Variants in LOC128125817 observed in about 807,000 individuals in gnomAD.
At chr1:41,611,956 A>G in the LOC128125817 span, among the ~76,000 whole-genome samples, 260 of 152,188 alleles carry the variant, frequency 1.7e-3, 5 homozygotes, top group South Asian at 0.017. Context: ...GTGAAGATAT[A>G]AACTCGCCCT....
chr1:41,618,930 C>T, the LOC128125817 span, among the ~76,000 whole-genome samples: 1 of 152,236 alleles, frequency 6.6e-6, no homozygotes, highest in African/African-American at 2.4e-5. Context: ...CCATGGCCCC[C>T]GCAGTTGCCA....
the LOC128125817 span, among the ~76,000 whole-genome samples, chr1:41,599,648 A>G: frequency 6.6e-6 from 1 of 152,352 alleles, no homozygotes; most frequent in African/African-American, 2.4e-5. Context: ...CATAAGGAAG[A>G]AGCTTCATCA....
At chr1:41,586,765 T>C in the LOC128125817 span, among the ~76,000 whole-genome samples, 1,831 of 152,300 alleles carry the variant, frequency 0.012, 34 homozygotes, top group African/African-American at 0.04. Context: ...TTTGATCTTT[T>C]AGCTAAAAAG....
chr1:41,605,435 A>C, the LOC128125817 span, among the ~76,000 whole-genome samples: 3 of 152,026 alleles, frequency 2.0e-5, no homozygotes, highest in Non-Finnish European at 4.4e-5. Context: ...AAACTATTCC[A>C]GTACAGCGGT....
chr1:41,610,924 C>G, the LOC128125817 span, among the ~76,000 whole-genome samples: 4 of 152,130 alleles, frequency 2.6e-5, no homozygotes, highest in Admixed American at 2.6e-4. Flanking sequence ...ACTCTGTGCT[C>G]CCTGAACAAG....
chr1:41,585,310 G>A, the LOC128125817 span: 3 of 398,880 alleles, frequency 7.5e-6, no homozygotes, highest in Non-Finnish European at 1.3e-5. Flanking sequence ...GAGAAATCAC[G>A]CTCTTCTTCT....
the LOC128125817 span, among the ~76,000 whole-genome samples, chr1:41,615,949 C>G: frequency 6.8e-6 from 1 of 147,940 alleles, no homozygotes; most frequent in East Asian, 2.1e-4. Flanking sequence ...ATTAATAACT[C>G]CAAGACTCCT....
the LOC128125817 span, among the ~76,000 whole-genome samples, chr1:41,614,590 C>T: frequency 2.6e-5 from 4 of 152,206 alleles, no homozygotes; most frequent in South Asian, 8.3e-4. Context: ...TGTCTTTTTG[C>T]AATTTTAACT....
chr1:41,611,527 C>T, the LOC128125817 span, among the ~76,000 whole-genome samples: 2 of 152,218 alleles, frequency 1.3e-5, no homozygotes, highest in African/African-American at 4.8e-5. Flanking sequence ...ACAAAGGCAC[C>T]GAAGGTTCCA....
chr1:41,623,205 G>A, the LOC128125817 span, among the ~76,000 whole-genome samples: 2 of 152,236 alleles, frequency 1.3e-5, no homozygotes, highest in Non-Finnish European at 2.9e-5. Context: ...GAGTCAGGCA[G>A]GAAGTGGGAG....
the LOC128125817 span, among the ~76,000 whole-genome samples, chr1:41,589,311 C>T: frequency 1.3e-5 from 2 of 152,196 alleles, no homozygotes; most frequent in Non-Finnish European, 2.9e-5. Flanking sequence ...GCTTATAACC[C>T]TGAGGGGAAC....
the LOC128125817 span, among the ~76,000 whole-genome samples, chr1:41,592,230 G>A: frequency 6.6e-5 from 10 of 152,274 alleles, no homozygotes; most frequent in African/African-American, 1.9e-4. Context: ...CCATGGGTCC[G>A]GTAACCTGTG....
the LOC128125817 span, among the ~76,000 whole-genome samples, chr1:41,617,943 A>G: frequency 6.6e-6 from 1 of 152,216 alleles, no homozygotes; most frequent in Admixed American, 6.5e-5. Context: ...CCAGGCTCAC[A>G]TGTCATTGGG....
At chr1:41,627,009 T>C in the LOC128125817 span, among the ~76,000 whole-genome samples, 3 of 152,222 alleles carry the variant, frequency 2.0e-5, no homozygotes, top group Admixed American at 6.5e-5. Context: ...CACTGAGGTT[T>C]GGGAAGGACT....
the LOC128125817 span, among the ~76,000 whole-genome samples, chr1:41,594,231 AT>A: frequency 6.6e-6 from 1 of 152,130 alleles, no homozygotes; most frequent in East Asian, 1.9e-4. Flanking sequence ...TTATTTTATT[AT>A]TATTTTTTGA....
the LOC128125817 span, among the ~76,000 whole-genome samples, chr1:41,620,634 A>G: frequency 6.6e-6 from 1 of 151,964 alleles, no homozygotes; most frequent in Non-Finnish European, 1.5e-5. Flanking sequence ...GCACGCCCCA[A>G]TCCTGCATTT....
chr1:41,617,964 C>T, the LOC128125817 span, among the ~76,000 whole-genome samples: 2 of 152,202 alleles, frequency 1.3e-5, no homozygotes, highest in Admixed American at 6.5e-5. Flanking sequence ...TGTGTGGCAG[C>T]ATTTCCCTAA....
the LOC128125817 span, among the ~76,000 whole-genome samples, chr1:41,598,312 T>G: frequency 1.3e-5 from 2 of 152,194 alleles, no homozygotes; most frequent in Non-Finnish European, 2.9e-5. Context: ...TCTATACACG[T>G]GACTGTGGCA....
At chr1:41,592,339 T>C in the LOC128125817 span, among the ~76,000 whole-genome samples, 1 of 152,360 alleles carries the variant, frequency 6.6e-6, no homozygotes, top group East Asian at 1.9e-4. Flanking sequence ...GAAATTGGGC[T>C]GAATGATCTC....
Sources: gnomAD v4.1 joint callset for allele counts (sites outside exome capture counted in the v4.1 genomes callset) on GRCh38, gnomAD v4.1.1 for gene constraint, MANE v1.5 for transcripts.